RBMS3: variants seen among roughly 807,000 people sequenced by gnomAD.
RBMS3 encodes the protein RNA binding motif single stranded interacting protein 3, also known as RNA-binding motif, single-stranded-interacting protein 3.
Under a neutral mutation model 66.8 loss-of-function variants are expected in RBMS3, and 27 were observed. The observed-to-expected ratio is 0.40, with a 90% CI of 0.30 to 0.56. The LOEUF is 0.56. Among genes scored for constraint, RBMS3 ranks in the 20% least tolerant of loss-of-function variants. The pLI is 0.40. For missense variants in RBMS3, 513 were observed against 549.5 expected, an observed-to-expected ratio of 0.93 and a Z score of 0.66; for synonymous variants, 188 against 183.0, an observed-to-expected ratio of 1.03 and a Z score of -0.22.
At chr3:29,755,337 CTT>C (rs914851070) in intron 5 of RBMS3, among the ~76,000 whole-genome samples, 1 of 152,158 alleles carries the variant, frequency 6.6e-6, no homozygotes, top group African/African-American at 2.4e-5. Flanking sequence ...ATAAGGCAAA[CTT>C]TATCTCTTAC....
intron 4 of RBMS3, among the ~76,000 whole-genome samples, chr3:29,603,449 A>G (rs2048213640): frequency 6.6e-6 from 1 of 151,972 alleles, no homozygotes; most frequent in African/African-American, 2.4e-5. Flanking sequence ...CTGGTTCTCA[A>G]CTAGAGGCAT....
chr3:29,994,508 C>T (rs1465874803), intron 14 of RBMS3, among the ~76,000 whole-genome samples: 2 of 152,254 alleles, frequency 1.3e-5, no homozygotes, highest in East Asian at 1.9e-4. Flanking sequence ...CAGCAGTAAC[C>T]TCTGCAGACT....
intron 4 of RBMS3, among the ~76,000 whole-genome samples, chr3:29,604,531 T>C (rs775992355): frequency 5.9e-5 from 9 of 152,000 alleles, no homozygotes; most frequent in Non-Finnish European, 1.3e-4. Flanking sequence ...TTTTATTGAA[T>C]GTCTCAAAGC....
chr3:29,837,883 G>C (rs931092169), intron 6 of RBMS3, among the ~76,000 whole-genome samples: 148 of 150,994 alleles, frequency 9.8e-4, no homozygotes, highest in Non-Finnish European at 1.6e-3. Context: ...ATGCTACAGA[G>C]CCCTGGTACT....
intron 6 of RBMS3, among the ~76,000 whole-genome samples, chr3:29,843,805 C>T (rs1181522271): frequency 6.6e-6 from 1 of 151,960 alleles, no homozygotes; most frequent in Non-Finnish European, 1.5e-5. Flanking sequence ...AAAAATTAGC[C>T]AGGCATTGTG....
intron 6 of RBMS3, among the ~76,000 whole-genome samples, chr3:29,838,230 TG>T (rs1347152846): frequency 6.7e-6 from 1 of 148,186 alleles, no homozygotes; most frequent in Non-Finnish European, 1.5e-5. Flanking sequence ...TCCCACCTAC[TG>T]AGGAGGCCAG....
chr3:29,611,116 G>A (rs1240153885), intron 4 of RBMS3, among the ~76,000 whole-genome samples: 3 of 151,906 alleles, frequency 2.0e-5, no homozygotes, highest in Admixed American at 1.3e-4. Flanking sequence ...GTGTTTGTCA[G>A]GTGTGTGATC....
At chr3:29,809,506 C>T (rs774436617) in intron 6 of RBMS3, among the ~76,000 whole-genome samples, 2 of 151,880 alleles carry the variant, frequency 1.3e-5, no homozygotes, top group African/African-American at 2.4e-5. Context: ...ATATTAGTAA[C>T]GGGGCCTTCA....
rs896657313 is a variant in RBMS3, at chr3:30,008,688, T to A, written c.*4826T>A. The A allele has an allele frequency of 8.5e-5, 13 of 152,250 alleles. No homozygotes were observed. Among genetic ancestry groups the A allele is most frequent in the Middle Eastern group, 3.4e-3 (1 of 294 alleles). 9.4% of individuals were successfully genotyped at this position (152,250 alleles called of 1,614,324 possible). A position where few individuals can be genotyped will look rare whatever the true frequency, so the allele number is the denominator to read the frequency against. ...GTGGCAAGTGATAATGGGATTTCAT[T>A]AATGAATCAATTTGTTTTACAAATG... On this transcript the variant is annotated 3_prime_UTR_variant, in exon 15 of 15. Coordinates refer to ENST00000383767, the MANE Select transcript of RBMS3 (RefSeq NM_001003793.3).
At chr3:29,489,032 C>G (rs959111078) in intron 3 of RBMS3, among the ~76,000 whole-genome samples, 10 of 152,126 alleles carry the variant, frequency 6.6e-5, no homozygotes, top group African/African-American at 2.4e-4. Context: ...AGTCATTGGA[C>G]TATATCTGTG....
At chr3:29,687,808 C>A (rs137861473) in intron 4 of RBMS3, among the ~76,000 whole-genome samples, 18 of 152,170 alleles carry the variant, frequency 1.2e-4, no homozygotes, top group Admixed American at 1.0e-3. Context: ...ACATAAGTTA[C>A]GAGGGATAAT....
chr3:29,850,808 C>T (rs1277455829), intron 6 of RBMS3, among the ~76,000 whole-genome samples: 2 of 152,192 alleles, frequency 1.3e-5, no homozygotes, highest in African/African-American at 4.8e-5. Context: ...CCTTTCTCCT[C>T]AGGCATCCTG....
chr3:29,388,092 C>G (rs1248424765), intron 1 of RBMS3, among the ~76,000 whole-genome samples: 5 of 148,202 alleles, frequency 3.4e-5, no homozygotes, highest in Admixed American at 6.6e-5. Context: ...CAGACACACA[C>G]ACACACACAC....
chr3:29,427,755 TCAG>T (rs2041017397), intron 1 of RBMS3, among the ~76,000 whole-genome samples: 1 of 151,940 alleles, frequency 6.6e-6, no homozygotes, highest in South Asian at 2.1e-4. Context: ...GGGGAGACCA[TCAG>T]CAGAACAGAC....
At chr3:29,571,101 T>A (rs1435857568) in intron 3 of RBMS3, among the ~76,000 whole-genome samples, 1 of 152,132 alleles carries the variant, frequency 6.6e-6, no homozygotes, top group Admixed American at 6.6e-5. Flanking sequence ...CCTTTCCATA[T>A]GCCTGTTTGC....
intron 10 of RBMS3, among the ~76,000 whole-genome samples, chr3:29,935,811 A>G (rs1293559245): frequency 2.0e-5 from 3 of 152,134 alleles, no homozygotes; most frequent in African/African-American, 4.8e-5. Context: ...GATTTTCAAT[A>G]CATTCTACCT....
At chr3:29,302,217 G>T (rs2033722188) in intron 1 of RBMS3, among the ~76,000 whole-genome samples, 1 of 151,808 alleles carries the variant, frequency 6.6e-6, no homozygotes, top group South Asian at 2.1e-4. Flanking sequence ...TCACTATATT[G>T]TCCAAGCTGG....
chr3:29,843,965 A>AT (rs1357346971), intron 6 of RBMS3, among the ~76,000 whole-genome samples: 1 of 152,116 alleles, frequency 6.6e-6, no homozygotes, highest in African/African-American at 2.4e-5. Flanking sequence ...GAAAAAAAAA[A>AT]AAAGGTTGCT....
intron 14 of RBMS3, among the ~76,000 whole-genome samples, chr3:29,999,750 G>T (rs1403982309): frequency 4.6e-5 from 7 of 151,664 alleles, no homozygotes; most frequent in Non-Finnish European, 7.4e-5. Context: ...ACACACCGGG[G>T]ACTGTTGTGG....
Sources: gnomAD v4.1 joint callset for allele counts (sites outside exome capture counted in the v4.1 genomes callset) on GRCh38, gnomAD v4.1.1 for gene constraint, MANE v1.5 for transcripts, NCBI Gene and HGNC (gene_info 2026-07-23, HGNC 2026-07-21) for gene names.